RAB11FIP4: variants seen among roughly 807,000 people sequenced by gnomAD.
RAB11FIP4 encodes rab11 family-interacting protein 4.
In RAB11FIP4, 23 loss-of-function variants were observed where a neutral mutation model predicts 74.3. That is an observed-to-expected ratio of 0.31 (90% CI 0.22 to 0.44). The LOEUF is 0.44. RAB11FIP4 is among the 20% of genes least tolerant of loss of function. The pLI is 1.00. For missense variants in RAB11FIP4, 630 were observed against 863.9 expected (o/e 0.73, Z 3.39); for synonymous variants, 360 against 359.9 (o/e 1.00, Z 0.00).
chr17:31,517,202 G>C (rs2072571945), intron 3 of RAB11FIP4, among the ~76,000 whole-genome samples: 2 of 103,634 alleles, frequency 1.9e-5, no homozygotes, highest in African/African-American at 7.2e-5. Flanking sequence ...GGGGGGGGGG[G>C]CGGTGGGGGG....
chr17:31,468,691 G>T (rs1401003266), intron 3 of RAB11FIP4, among the ~76,000 whole-genome samples: 2 of 152,248 alleles, frequency 1.3e-5, no homozygotes, highest in Non-Finnish European at 2.9e-5. Flanking sequence ...TTAGCTGGGT[G>T]TGGTGGTGGG....
intron 13 of RAB11FIP4, among the ~76,000 whole-genome samples, chr17:31,529,772 C>G (rs1388578727): frequency 1.3e-5 from 2 of 152,184 alleles, no homozygotes; most frequent in South Asian, 4.1e-4. Context: ...TCACAGAAAT[C>G]CTAAAACCCC....
chr17:31,483,174 CAG>C lies in RAB11FIP4; in HGVS notation c.337-34474_337-34473del, dbSNP rs575997514. On this transcript the variant is annotated intron_variant, in intron 3 of 14. Transcript: ENST00000621161. The stretch of plus-strand genomic sequence containing the variant: ...TGCCATTGCATTCCAGCCCGGGTGA[CAG>C]AGTGAGACTGCATCTCAAAAAAAAA... Among the ~76,000 whole-genome samples the C allele has an allele frequency of 1.1e-4, 12 of 111,828 alleles. No homozygotes were observed. In the South Asian group the frequency reaches 3.6e-3, roughly 34 times the overall value. The allele number at this position is 111,828 out of a possible 152,430, so 73.4% of individuals were successfully genotyped here.
intron 3 of RAB11FIP4, among the ~76,000 whole-genome samples, chr17:31,495,147 G>A (rs957759551): frequency 6.6e-6 from 1 of 152,220 alleles, no homozygotes; most frequent in African/African-American, 2.4e-5. Context: ...AAAATGCTGA[G>A]GCTCTGGCTG....
At chr17:31,508,798 C>G (rs1409672133) in intron 3 of RAB11FIP4, among the ~76,000 whole-genome samples, 1 of 152,166 alleles carries the variant, frequency 6.6e-6, no homozygotes, top group Non-Finnish European at 1.5e-5. Context: ...CTGAGTCTTT[C>G]TGGGAGCCTC....
intron 3 of RAB11FIP4, among the ~76,000 whole-genome samples, chr17:31,504,120 T>TTAC (rs1160207242): frequency 6.8e-5 from 10 of 148,054 alleles, no homozygotes; most frequent in East Asian, 1.9e-4. Context: ...CATATAATGT[T>TTAC]TACTACTACT....
chr17:31,448,489 C>A (rs2071492264), intron 3 of RAB11FIP4: 1 of 150,828 alleles, frequency 6.6e-6, no homozygotes, highest in Non-Finnish European at 1.5e-5. Context: ...AGCTGGGCCT[C>A]CCAAGGCACT....
intron 3 of RAB11FIP4, among the ~76,000 whole-genome samples, chr17:31,496,731 G>T (rs181441535): frequency 4.8e-4 from 73 of 152,352 alleles, no homozygotes; most frequent in Admixed American, 4.6e-3. Flanking sequence ...CCAGTGTGCT[G>T]TGGTCCCTGC....
rs1010691038 is a variant in RAB11FIP4 at position 31,391,760 on chromosome 17, G to A, written c.-93G>A. On this transcript the variant is annotated 5_prime_UTR_variant, in exon 1 of 15. Transcript: ENST00000621161. ...GAGGCTGCGCGGCGCAGACCCAGAC[G>A]GGCGGCCCCGGAGGGCGCGCGGCGA... The A allele has an allele frequency of 2.2e-4, 200 of 919,134 alleles. No homozygotes were observed. Among genetic ancestry groups the A allele is most frequent in the Non-Finnish European group, 2.6e-4 (197 of 771,930 alleles). The allele number at this position is 919,134 out of a possible 1,614,324, so 56.9% of individuals were successfully genotyped here.
intron 3 of RAB11FIP4, among the ~76,000 whole-genome samples, chr17:31,443,480 A>T (rs984083609): frequency 2.6e-5 from 4 of 152,240 alleles, no homozygotes; most frequent in Non-Finnish European, 4.4e-5. Flanking sequence ...TAATTCGTAG[A>T]ATTGACTGAT....
chr17:31,478,263 G>A lies in RAB11FIP4; in HGVS notation c.337-39388G>A, dbSNP rs543367755. Among the ~76,000 whole-genome samples, 9 of 152,280 alleles carry A rather than the reference G, an allele frequency of 5.9e-5. No homozygotes were observed. In the East Asian group the frequency reaches 1.2e-3, roughly 20 times the overall value. On this transcript the variant is annotated intron_variant, in intron 3 of 14. Transcript: ENST00000621161. ...CCGCCTTGGTCTCCCAAAGTGCTGG[G>A]ATTACAGGCATGAGCCACCGTGCCT...
intron 3 of RAB11FIP4, among the ~76,000 whole-genome samples, chr17:31,505,560 T>TTA (rs1567681284): frequency 3.7e-4 from 33 of 89,740 alleles, no homozygotes; most frequent in African/African-American, 1.4e-3. Flanking sequence ...ATAATAATAA[T>TTA]TATAATATAT....
At position 31,536,944 on chromosome 17, in the gene RAB11FIP4, C is replaced by T. The variant is rs1769894843; in HGVS notation, c.*5212C>T. 1.3e-5 allele frequency: 5 copies of T among 399,122 alleles called. No homozygotes were observed. Among genetic ancestry groups the T allele is most frequent in the Non-Finnish European group, 2.2e-5 (5 of 226,112 alleles). 24.7% of individuals were successfully genotyped at this position (399,122 alleles called of 1,614,324 possible). On this transcript the variant is annotated 3_prime_UTR_variant, in exon 15 of 15. Coordinates refer to ENST00000621161, the MANE Select transcript of RAB11FIP4 (RefSeq NM_032932.6). ...CTCCCTGCCCCGACCTCGTAGGTTGCTCCTTTCCCCATCTGTAAGGTAGAG... is the reference window on the plus strand; with the variant it reads ...CTCCCTGCCCCGACCTCGTAGGTTGTTCCTTTCCCCATCTGTAAGGTAGAG...
intron 3 of RAB11FIP4, among the ~76,000 whole-genome samples, chr17:31,459,149 C>T (rs962297067): frequency 6.6e-6 from 1 of 152,106 alleles, no homozygotes; most frequent in Non-Finnish European, 1.5e-5. Context: ...GCCTACACCC[C>T]CTGCCCCGTG....
rs922585753 is a variant in RAB11FIP4, at chr17:31,522,404, C to T, written c.929+9C>T. 3.1e-5 allele frequency: 50 copies of T among 1,613,478 alleles called. No homozygotes were observed. The Middle Eastern group carries it at 6.6e-4, about 21-fold the overall frequency. ...AGCACGGCCTTTGGACGGTAAGGCC[C>T]GCCTCGAGGGAGGGCAAATTGAGTG... On this transcript the variant is annotated intron_variant, in intron 7 of 14. Coordinates refer to ENST00000621161, the MANE Select transcript of RAB11FIP4 (RefSeq NM_032932.6).
intron 1 of RAB11FIP4, among the ~76,000 whole-genome samples, chr17:31,398,373 T>C (rs1390390443): frequency 6.6e-6 from 1 of 152,174 alleles, no homozygotes; most frequent in Non-Finnish European, 1.5e-5. Context: ...TGAATCCATT[T>C]GGCAAAACCT....
At chr17:31,427,097 C>T (rs1412747260) in intron 1 of RAB11FIP4, among the ~76,000 whole-genome samples, 1 of 152,180 alleles carries the variant, frequency 6.6e-6, no homozygotes. Flanking sequence ...GTAGCTGGGA[C>T]TACAGGTACA....
chr17:31,433,796 G>C (rs542560395), intron 2 of RAB11FIP4, among the ~76,000 whole-genome samples: 1 of 152,186 alleles, frequency 6.6e-6, no homozygotes, highest in African/African-American at 2.4e-5. Flanking sequence ...CCTGCCCTCT[G>C]TGTGTGGGAA....
At chr17:31,471,035 A>C (rs1379377904) in intron 3 of RAB11FIP4, among the ~76,000 whole-genome samples, 1 of 151,624 alleles carries the variant, frequency 6.6e-6, no homozygotes, top group Non-Finnish European at 1.5e-5. Context: ...TTTTAAAATC[A>C]TATGTCATAA....
Sources: allele counts gnomAD v4.1 joint callset (sites outside exome capture counted in the v4.1 genomes callset), GRCh38; gene constraint gnomAD v4.1.1; transcripts MANE v1.5; gene names NCBI Gene and HGNC (gene_info 2026-07-23, HGNC 2026-07-21).